The following CDH8 variants were observed in gnomAD, a reference collection of about 807,000 sequenced individuals.
CDH8 encodes the protein cadherin-8.
A neutral mutation model predicts 68.1 loss-of-function variants in CDH8; 17 were observed. The observed-to-expected ratio is 0.25, with a 90% CI of 0.17 to 0.37. The LOEUF (loss-of-function observed/expected upper bound fraction) is 0.37. Ranked by LOEUF, CDH8 falls within the 10% of genes least tolerant of loss-of-function variation. The pLI is 1.00. For synonymous variants in CDH8, 372 were observed against 365.1 expected, an observed-to-expected ratio of 1.02 and a Z score of -0.21; for missense variants, 763 against 999.3, an observed-to-expected ratio of 0.76 and a Z score of 3.19.
chr16:62,012,003 G>T (rs1161482058), intron 2 of CDH8, among the ~76,000 whole-genome samples: 2 of 152,150 alleles, frequency 1.3e-5, no homozygotes. Flanking sequence ...GACCAAATTA[G>T]GCCAAGGTGT....
intron 2 of CDH8, among the ~76,000 whole-genome samples, chr16:61,904,129 C>T (rs1964026380): frequency 1.3e-5 from 2 of 152,256 alleles, no homozygotes; most frequent in African/African-American, 4.8e-5. Context: ...CAGACATGTA[C>T]ATACTCTTGC....
chr16:61,908,334 G>A lies in CDH8; in HGVS notation c.253-6861C>T, dbSNP rs900814317. ...GACTTTGACATGATATTAGTTTTGG[G>A]CCCAAGTCTCCCAAATGATAAGCAT... is the stretch of plus-strand genomic sequence containing the variant. On this transcript the variant is annotated intron_variant, in intron 2 of 11. Coordinates refer to ENST00000577390, the MANE Select transcript of CDH8 (RefSeq NM_001796.5). 7.9e-5 allele frequency among the ~76,000 whole-genome samples: 12 copies of A among 152,232 alleles called. No individual in the cohort carries two copies. In the East Asian group the frequency reaches 2.3e-3, roughly 29 times the overall value.
At chr16:61,760,407 G>A (rs1960433017) in intron 8 of CDH8, among the ~76,000 whole-genome samples, 1 of 151,750 alleles carries the variant, frequency 6.6e-6, no homozygotes, top group Non-Finnish European at 1.5e-5. Context: ...TGTCTCCTGG[G>A]TTCAAGTGAT....
intron 8 of CDH8, among the ~76,000 whole-genome samples, chr16:61,736,366 T>G (rs962790088): frequency 2.4e-4 from 37 of 152,240 alleles, no homozygotes; most frequent in African/African-American, 8.7e-4. Context: ...CAGATATATA[T>G]CATGTGATCA....
chr16:61,738,442 T>C (rs34429047), intron 8 of CDH8, among the ~76,000 whole-genome samples: 20,725 of 152,134 alleles, frequency 0.14, 1,514 homozygotes, highest in African/African-American at 0.19. Context: ...TCACAAGAAT[T>C]GACATCTTGA....
At chr16:61,883,544 G>A (rs1364786501) in intron 3 of CDH8, among the ~76,000 whole-genome samples, 1 of 151,526 alleles carries the variant, frequency 6.6e-6, no homozygotes, top group African/African-American at 2.4e-5. Context: ...TTCTACTTAT[G>A]GCAAGTGATA....
intron 8 of CDH8, among the ~76,000 whole-genome samples, chr16:61,738,817 A>T (rs74247631): frequency 0.034 from 5,100 of 152,028 alleles, 369 homozygotes; most frequent in East Asian, 0.24. Context: ...ATGCGTGTGT[A>T]TGTGTGTGTG....
At chr16:61,811,134 T>C (rs374573794) in intron 7 of CDH8, among the ~76,000 whole-genome samples, 3 of 151,976 alleles carry the variant, frequency 2.0e-5, no homozygotes, top group African/African-American at 7.3e-5. Flanking sequence ...ACAGATATTG[T>C]GCCTTTCTAG....
intron 2 of CDH8, among the ~76,000 whole-genome samples, chr16:61,956,969 G>A (rs1964998607): frequency 6.6e-6 from 1 of 152,164 alleles, no homozygotes; most frequent in Admixed American, 6.6e-5. Flanking sequence ...GCTTCATTAA[G>A]AACATTAGAT....
chr16:61,918,620 C>G (rs992283590), intron 2 of CDH8: 1 of 153,168 alleles, frequency 6.5e-6, no homozygotes, highest in African/African-American at 2.4e-5. Context: ...GCTTAAAAAA[C>G]GGTGCACCAC....
At chr16:61,962,054 T>G (rs562338397) in intron 2 of CDH8, among the ~76,000 whole-genome samples, 3 of 152,302 alleles carry the variant, frequency 2.0e-5, no homozygotes, top group African/African-American at 7.2e-5. Context: ...GAAATTGCTA[T>G]TAAGAAAACT....
chr16:61,678,507 C>T (rs11641508), intron 10 of CDH8, among the ~76,000 whole-genome samples: 19 of 151,964 alleles, frequency 1.3e-4, no homozygotes, highest in East Asian at 7.8e-4. Flanking sequence ...TTGTCCCTGA[C>T]GCCCTAAAGC....
chr16:61,975,409 G>C (rs1965418692), intron 2 of CDH8, among the ~76,000 whole-genome samples: 1 of 152,150 alleles, frequency 6.6e-6, no homozygotes, highest in Non-Finnish European at 1.5e-5. Flanking sequence ...TTAGAACTCT[G>C]CTCTTCATGT....
intron 10 of CDH8, among the ~76,000 whole-genome samples, chr16:61,686,750 A>T (rs1411982463): frequency 6.6e-6 from 1 of 151,948 alleles, no homozygotes; most frequent in Non-Finnish European, 1.5e-5. Flanking sequence ...AAACCCTGAC[A>T]GAGCTGGGTT....
At chr16:61,808,738 A>G (rs1486962208) in intron 7 of CDH8, among the ~76,000 whole-genome samples, 2 of 152,216 alleles carry the variant, frequency 1.3e-5, no homozygotes, top group Admixed American at 6.5e-5. Flanking sequence ...CAACTTACTG[A>G]TGGAAATTCA....
chr16:61,662,523 A>G (rs1963588989), intron 10 of CDH8, among the ~76,000 whole-genome samples: 1 of 151,856 alleles, frequency 6.6e-6, no homozygotes, highest in African/African-American at 2.4e-5. Context: ...AGGGTAAAAC[A>G]ACAGTTTCCA....
intron 8 of CDH8, among the ~76,000 whole-genome samples, chr16:61,777,369 T>A (rs1188572795): frequency 1.3e-5 from 2 of 152,202 alleles, no homozygotes; most frequent in Non-Finnish European, 2.9e-5. Flanking sequence ...TCTGCTTACC[T>A]TCTTTCTATA....
chr16:61,744,782 G>A (rs1959971748), intron 8 of CDH8, among the ~76,000 whole-genome samples: 1 of 150,866 alleles, frequency 6.6e-6, no homozygotes, highest in Non-Finnish European at 1.5e-5. Context: ...CTTAAATAAT[G>A]TATCAAACAT....
chr16:61,748,290 G>C (rs556240260), intron 8 of CDH8, among the ~76,000 whole-genome samples: 16 of 152,048 alleles, frequency 1.1e-4, no homozygotes, highest in African/African-American at 3.6e-4. Context: ...CAGGCACCAT[G>C]ATTTTAATTT....
Sources: gnomAD v4.1 joint callset for allele counts (sites outside exome capture counted in the v4.1 genomes callset) on GRCh38, gnomAD v4.1.1 for gene constraint, MANE v1.5 for transcripts, NCBI Gene and HGNC (gene_info 2026-07-23, HGNC 2026-07-21) for gene names.